HAVCR1: variants seen among roughly 807,000 people sequenced by gnomAD.
HAVCR1 encodes the protein T cell immunoglobin domain and mucin domain protein 1.
In HAVCR1, 34 loss-of-function variants were observed where a neutral mutation model predicts 32.0. The observed-to-expected ratio is 1.06, with a 90% confidence interval of 0.81 to 1.42. The LOEUF is 1.42. Among genes scored for constraint, HAVCR1 ranks in the 40% most tolerant of loss-of-function variants. HAVCR1 has a pLI of 0.00. For missense variants in HAVCR1, 420 were observed against 442.3 expected (o/e 0.95, Z 0.45); for synonymous variants, 178 against 170.3 (o/e 1.05, Z -0.35).
At chr5:157,064,858 A>G in the HAVCR1 span, among the ~76,000 whole-genome samples, 1 of 151,930 alleles carries the variant, frequency 6.6e-6, no homozygotes, top group Admixed American at 6.6e-5. Context: ...ACAGAGCAAG[A>G]CTCCATCTCA....
At chr5:157,039,143 T>C (rs10059699) in intron 6 of HAVCR1, among the ~76,000 whole-genome samples, 36,756 of 152,066 alleles carry the variant, frequency 0.24, 4,930 homozygotes, top group African/African-American at 0.35. Context: ...AACCATAACT[T>C]TAACATCCAG....
intron 3 of HAVCR1, among the ~76,000 whole-genome samples, chr5:157,054,212 A>AAAAAAAAAAAAAC (rs1755972542): frequency 6.6e-6 from 1 of 150,826 alleles, no homozygotes. Flanking sequence ...AAAAAAAAAA[A>AAAAAAAAAAAAAC]ACAAAGGCCC....
intron 6 of HAVCR1, among the ~76,000 whole-genome samples, chr5:157,040,327 A>T (rs773300752): frequency 6.6e-6 from 1 of 151,884 alleles, no homozygotes; most frequent in Non-Finnish European, 1.5e-5. Flanking sequence ...GAAAAGAATA[A>T]CCTCACTATC....
intron 3 of HAVCR1, among the ~76,000 whole-genome samples, chr5:157,054,447 G>A (rs1174615059): frequency 6.6e-6 from 1 of 152,124 alleles, no homozygotes; most frequent in Non-Finnish European, 1.5e-5. Flanking sequence ...GAGGGTTGCA[G>A]TGAGCCACGA....
At chr5:157,049,457 C>T (rs1390039436) in intron 4 of HAVCR1, among the ~76,000 whole-genome samples, 1 of 152,188 alleles carries the variant, frequency 6.6e-6, no homozygotes, top group Non-Finnish European at 1.5e-5. Flanking sequence ...TTCTATACTC[C>T]CAGGTTCCCT....
intron 2 of HAVCR1, among the ~76,000 whole-genome samples, chr5:157,057,626 T>A (rs898977830): frequency 6.6e-6 from 1 of 152,200 alleles, no homozygotes; most frequent in African/African-American, 2.4e-5. Flanking sequence ...CCCTTTTTGT[T>A]TAAACACAAA....
chr5:157,041,945 A>C (rs1042729704), intron 6 of HAVCR1, among the ~76,000 whole-genome samples: 20 of 151,214 alleles, frequency 1.3e-4, no homozygotes, highest in Non-Finnish European at 2.5e-4. Context: ...TGTAGTCCCA[A>C]CTACTCTGGA....
chr5:157,062,707 G>A (rs933120631), upstream of HAVCR1, among the ~76,000 whole-genome samples: 2 of 152,048 alleles, frequency 1.3e-5, no homozygotes, highest in Non-Finnish European at 2.9e-5. Context: ...ACTGCCCTAA[G>A]CTAGTTATTT....
At chr5:157,038,750 T>C (rs1383161910) in intron 6 of HAVCR1, among the ~76,000 whole-genome samples, 1 of 152,164 alleles carries the variant, frequency 6.6e-6, no homozygotes, top group Non-Finnish European at 1.5e-5. Flanking sequence ...GGAGGCAGGC[T>C]TTGCTTTCAT....
At chr5:157,037,126 G>T in intron 7 of HAVCR1, 121 bp downstream of exon 7, 1 of 710,596 alleles carries the variant, frequency 1.4e-6, no homozygotes, top group Non-Finnish European at 2.6e-6. Context: ...TACAAATGAG[G>T]ATTTGGGGAG....
chr5:157,055,683 T>C (rs1756086342), intron 2 of HAVCR1, 150 bp from the exon 3 acceptor site: 4 of 525,618 alleles, frequency 7.6e-6, no homozygotes, highest in African/African-American at 3.8e-5. Flanking sequence ...CTAGCCAACA[T>C]GGCAAAACCC....
intron 3 of HAVCR1, among the ~76,000 whole-genome samples, chr5:157,053,593 G>C (rs1755907588): frequency 6.6e-6 from 1 of 152,132 alleles, no homozygotes; most frequent in Non-Finnish European, 1.5e-5. Flanking sequence ...GCAACGGCCG[G>C]GCGCGGCAGC....
At chr5:157,063,841 G>T (rs772276952), upstream of HAVCR1, among the ~76,000 whole-genome samples, 4 of 152,214 alleles carry the variant, frequency 2.6e-5, no homozygotes, top group Non-Finnish European at 5.9e-5. Context: ...CAAAGGACAA[G>T]GAAGTTAGCC....
chr5:157,061,264 C>T (rs1010177563), upstream of HAVCR1, among the ~76,000 whole-genome samples: 5 of 151,990 alleles, frequency 3.3e-5, no homozygotes, highest in African/African-American at 7.2e-5. Context: ...AGACAGTCTT[C>T]GGGGAGTTGA....
chr5:157,033,898 C>T (rs1052502697), intron 7 of HAVCR1, among the ~76,000 whole-genome samples: 9 of 152,056 alleles, frequency 5.9e-5, no homozygotes, highest in African/African-American at 1.7e-4. Flanking sequence ...ACTAAAAACA[C>T]GAAAATCATT....
rs917000959 is a variant in HAVCR1, at chr5:157,029,458, C to G, written c.*275G>C. On this transcript the variant is annotated 3_prime_UTR_variant, in exon 9 of 9. Transcript: ENST00000523175. ...ATTTATGGGGTCTAAAAAGAACATA[C>G]AATTATAAAGTGTTCATATTTGAGA... 2 of 668,548 alleles carry G rather than the reference C, an allele frequency of 3.0e-6. No individual in the cohort carries two copies. Among genetic ancestry groups the G allele is most frequent in the Non-Finnish European group, 5.1e-6 (2 of 395,304 alleles). 41.4% of individuals were successfully genotyped at this position (668,548 alleles called of 1,614,324 possible).
chr5:157,064,297 G>A, the HAVCR1 span, among the ~76,000 whole-genome samples: 2 of 145,278 alleles, frequency 1.4e-5, no homozygotes, highest in African/African-American at 5.2e-5. Context: ...AGGACTGCTT[G>A]AGCCCAGGAG....
rs1379829004 is a variant in HAVCR1 at position 157,037,351 on chromosome 5, AG to A, written c.847del (p.Leu283Ter). ...ATTGGCCGTCAGTAGACTATGTTCT[AG>A]GAACAGTTGCTGAGGAAACAACAAC... ...LWNNNQTQLF[L>X]EHSLLTANTT... On this transcript the variant is annotated frameshift_variant, in exon 7 of 9. Transcript: ENST00000523175. LOFTEE classifies it high-confidence loss of function. 1 of 1,458,988 alleles carries A rather than the reference AG, an allele frequency of 6.9e-7. No individual in the cohort carries two copies. The allele number at this position is 1,458,988 out of a possible 1,614,324, so 90.4% of individuals were successfully genotyped here. A position where few individuals can be genotyped will look rare whatever the true frequency, so the allele number is the denominator to read the frequency against.
intron 5 of HAVCR1, among the ~76,000 whole-genome samples, chr5:157,043,576 G>A (rs1755049300): frequency 6.6e-6 from 1 of 152,210 alleles, no homozygotes; most frequent in South Asian, 2.1e-4. Context: ...GGCTGAGGTA[G>A]GAGAATCCCT....
Sources: allele counts gnomAD v4.1 joint callset (sites outside exome capture counted in the v4.1 genomes callset), GRCh38; gene constraint gnomAD v4.1.1; transcripts MANE v1.5; gene names NCBI Gene and HGNC (gene_info 2026-07-23, HGNC 2026-07-21).